MYO9A: variants seen among roughly 807,000 people sequenced by gnomAD.
The protein encoded by MYO9A is unconventional myosin-IXa.
A neutral mutation model predicts 293.3 loss-of-function variants in MYO9A; 103 were observed. The observed-to-expected ratio is 0.35, with a 90% CI of 0.30 to 0.41. The LOEUF is 0.41. MYO9A is among the 10% of genes least tolerant of loss of function. The probability of loss-of-function intolerance (pLI) is 1.00; values close to 1 mark genes in which losing one functional copy is unlikely to be tolerated. For synonymous variants in MYO9A, 1,001 were observed against 1,035.7 expected, an observed-to-expected ratio of 0.97 and a Z score of 0.64; for missense variants, 2,685 against 3,033.0, an observed-to-expected ratio of 0.89 and a Z score of 2.69.
chr15:72,093,658 G>A (rs551422610), intron 1 of MYO9A, among the ~76,000 whole-genome samples: 9 of 41,338 alleles, frequency 2.2e-4, no homozygotes, highest in African/African-American at 3.1e-4. Flanking sequence ...AGGCTGAGAT[G>A]GGTGGATCAC....
Position 71,992,162 on chromosome 15 carries a change from G to T in MYO9A, c.1588-925C>A, listed in dbSNP as rs541565360. Among the ~76,000 whole-genome samples, 13 of 152,148 alleles carry T rather than the reference G, an allele frequency of 8.5e-5. No individual in the cohort carries two copies. The East Asian group carries it at 2.5e-3, about 29-fold the overall frequency. The stretch of plus-strand genomic sequence containing the variant: ...ATTACAACAAAAGACAGCAATCCCT[G>T]CCTCATCATCAAGATCTGCTCCCTA... On this transcript the variant is annotated intron_variant, in intron 10 of 41. Transcript: ENST00000356056.
intron 27 of MYO9A, 27 bp from the exon 28 acceptor site, chr15:71,883,763 G>A (rs746500106): frequency 4.0e-5 from 63 of 1,584,868 alleles, no homozygotes; most frequent in Non-Finnish European, 5.2e-5. Flanking sequence ...AGGTAAAAAT[G>A]GAAATTAAGA....
At chr15:72,101,672 C>A (rs2080332656) in intron 1 of MYO9A, among the ~76,000 whole-genome samples, 1 of 143,430 alleles carries the variant, frequency 7.0e-6, no homozygotes, top group African/African-American at 2.6e-5. Flanking sequence ...GCCAGCCGCC[C>A]CGTCTGGGAG....
chr15:71,847,162 T>C (rs1266589550), intron 39 of MYO9A, among the ~76,000 whole-genome samples: 1 of 152,212 alleles, frequency 6.6e-6, no homozygotes, highest in Non-Finnish European at 1.5e-5. Flanking sequence ...GAGGCTCATC[T>C]AACAAAGAGG....
intron 1 of MYO9A, among the ~76,000 whole-genome samples, chr15:72,080,307 CTTTTTTT>C (rs374292426): frequency 4.2e-4 from 53 of 127,378 alleles, no homozygotes; most frequent in African/African-American, 1.5e-3. Context: ...CCATGCTTCT[CTTTTTTT>C]TTTTTTTTTT....
rs558882715 is a variant in MYO9A, at chr15:71,951,033, G to A, written c.2302+744C>T. On this transcript the variant is annotated intron_variant, in intron 15 of 41. Transcript: ENST00000356056. ...ACAAATAAAGAGCAAGAAAGGAAACGGAGACCAAGGGCATCTTTTCACACC... is the reference window on the plus strand; with the variant it reads ...ACAAATAAAGAGCAAGAAAGGAAACAGAGACCAAGGGCATCTTTTCACACC... Among the ~76,000 whole-genome samples, 13 of 152,160 alleles carry A rather than the reference G, an allele frequency of 8.5e-5. 1 individual carries two copies. Among genetic ancestry groups the A allele is most frequent in the East Asian group, 5.8e-4 (3 of 5,176 alleles).
intron 14 of MYO9A, among the ~76,000 whole-genome samples, chr15:71,956,838 C>T (rs80096850): frequency 0.099 from 5,713 of 57,656 alleles, 275 homozygotes; most frequent in African/African-American, 0.22. Flanking sequence ...TATATATATA[C>T]ACACACACAC....
intron 1 of MYO9A, among the ~76,000 whole-genome samples, chr15:72,052,471 A>G (rs1449384189): frequency 1.3e-5 from 2 of 152,248 alleles, no homozygotes; most frequent in Non-Finnish European, 2.9e-5. Context: ...TGGCAGGACT[A>G]AAAGAGCTAT....
Position 71,852,845 on chromosome 15 carries a change from C to G in MYO9A, c.6347-585G>C, listed in dbSNP as rs151023310. On this transcript the variant is annotated intron_variant, in intron 35 of 41. Transcript: ENST00000356056. ...AGGAGCAGCGGCTCATGACTGTAAT[C>G]CCAGCACTTTGGGAGACTGAGACAG... 9.9e-3 allele frequency among the ~76,000 whole-genome samples: 1,505 copies of G among 152,280 alleles called. 23 individuals are homozygous for G. The highest frequency in any genetic ancestry group is 0.034 in the African/African-American group (1,416 of 41,542).
chr15:71,904,115 C>A, intron 20 of MYO9A, 76 bp from the exon 21 acceptor site: 1 of 1,139,222 alleles, frequency 8.8e-7, no homozygotes, highest in Non-Finnish European at 1.3e-6. Flanking sequence ...GCATGACTAA[C>A]TGTTGAGTAT....
intron 11 of MYO9A, among the ~76,000 whole-genome samples, chr15:71,982,005 ATTTTTTTTTTT>A (rs750930471): frequency 2.0e-3 from 115 of 56,322 alleles, no homozygotes; most frequent in African/African-American, 8.4e-3. Context: ...CCTATTTAGA[ATTTTTTTTTTT>A]TTTTTTTTTT....
chr15:71,942,233 G>A (rs28627195), intron 15 of MYO9A, among the ~76,000 whole-genome samples: 1,938 of 152,010 alleles, frequency 0.013, 28 homozygotes, highest in African/African-American at 0.021. Context: ...TCCCACTTGC[G>A]TAAAATTTTT....
At chr15:72,034,067 A>G (rs2077963665) in intron 2 of MYO9A, among the ~76,000 whole-genome samples, 1 of 152,206 alleles carries the variant, frequency 6.6e-6, no homozygotes. Flanking sequence ...GGACGCACGC[A>G]CACATACAAG....
intron 39 of MYO9A, among the ~76,000 whole-genome samples, chr15:71,844,526 G>C (rs967683754): frequency 6.6e-6 from 1 of 151,970 alleles, no homozygotes; most frequent in African/African-American, 2.4e-5. Context: ...CCTATTTGAG[G>C]GAAACAGGAT....
intron 15 of MYO9A, among the ~76,000 whole-genome samples, chr15:71,942,751 T>C (rs1200588850): frequency 6.6e-6 from 1 of 152,076 alleles, no homozygotes. Flanking sequence ...AGGGATGTTA[T>C]TGCTACCCAA....
rs28451732 is a variant in MYO9A at position 72,016,811 on chromosome 15, G to C, written c.1155+2228C>G. ...GCTACAAAGTTCTTCTAAAGGGAAA[G>C]ATGGGTAATGATGACTTCAATGGTG... On this transcript the variant is annotated intron_variant, in intron 6 of 41. Transcript: ENST00000356056. 5.6e-3 allele frequency among the ~76,000 whole-genome samples: 858 copies of C among 152,220 alleles called. 12 individuals carry two copies. Among genetic ancestry groups the C allele is most frequent in the African/African-American group, 0.02 (812 of 41,530 alleles).
At chr15:71,934,424 A>C (rs1268807331) in intron 17 of MYO9A, among the ~76,000 whole-genome samples, 1 of 152,114 alleles carries the variant, frequency 6.6e-6, no homozygotes, top group Non-Finnish European at 1.5e-5. Context: ...AAATGAGTTA[A>C]TGTATATCTC....
chr15:71,960,361 T>G (rs556275501), intron 13 of MYO9A: 1 of 316,128 alleles, frequency 3.2e-6, no homozygotes, highest in Non-Finnish European at 5.4e-6. Flanking sequence ...GTGGCACTCC[T>G]ACTTCTCCAT....
chr15:71,881,826 A>G (rs1406503492), intron 28 of MYO9A, among the ~76,000 whole-genome samples: 1 of 152,246 alleles, frequency 6.6e-6, no homozygotes, highest in Non-Finnish European at 1.5e-5. Flanking sequence ...GCAGCAAAGA[A>G]TATAATTGTG....
Sources: allele counts gnomAD v4.1 joint callset (sites outside exome capture counted in the v4.1 genomes callset), GRCh38; gene constraint gnomAD v4.1.1; transcripts MANE v1.5; gene names NCBI Gene and HGNC (gene_info 2026-07-23, HGNC 2026-07-21).